Variants in RAB12 observed in about 807,000 individuals in gnomAD.
RAB12 encodes ras-related protein Rab-12.
RAB12 carries 11 observed loss-of-function variants against 28.4 expected under a neutral mutation model. The observed-to-expected ratio is 0.39, with a 90% CI of 0.24 to 0.64. The LOEUF (loss-of-function observed/expected upper bound fraction) is 0.64. RAB12 is among the 30% of genes least tolerant of loss of function. The pLI is 0.50. For missense variants in RAB12, 276 were observed against 351.1 expected, an observed-to-expected ratio of 0.79 and a Z score of 1.71; for synonymous variants, 138 against 145.3, an observed-to-expected ratio of 0.95 and a Z score of 0.36.
At chr18:8,610,757 T>G (rs1320687441) in intron 1 of RAB12, among the ~76,000 whole-genome samples, 4 of 152,170 alleles carry the variant, frequency 2.6e-5, no homozygotes, top group Non-Finnish European at 5.9e-5. Flanking sequence ...GGAAAACCCC[T>G]TAAAAGATGT....
intron 1 of RAB12, among the ~76,000 whole-genome samples, chr18:8,615,220 T>C (rs1351880935): frequency 1.3e-5 from 2 of 152,200 alleles, no homozygotes; most frequent in African/African-American, 4.8e-5. Context: ...AGAAATGCTC[T>C]CTGGGGGTCT....
chr18:8,614,440 TTTCC>T (rs1409072243), intron 1 of RAB12, among the ~76,000 whole-genome samples: 4 of 151,676 alleles, frequency 2.6e-5, no homozygotes, highest in Middle Eastern at 3.4e-3. Context: ...GGTAGTAAAG[TTTCC>T]TTCAGAATGC....
chr18:8,623,673 G>A (rs548158946), intron 1 of RAB12, among the ~76,000 whole-genome samples: 31 of 152,320 alleles, frequency 2.0e-4, no homozygotes, highest in African/African-American at 7.2e-4. Context: ...ACTTTGGAAA[G>A]CAAATCATTT....
intron 1 of RAB12, among the ~76,000 whole-genome samples, chr18:8,612,316 G>T (rs1313103057): frequency 6.6e-6 from 1 of 152,194 alleles, no homozygotes; most frequent in Non-Finnish European, 1.5e-5. Context: ...AGTTCCTTTA[G>T]AAAAATGCAA....
In RAB12 at chr18:8,612,631, A is replaced by C. The variant is rs546726442; in HGVS notation, c.514+2678A>C. ...AGAGTGGTAGTATTGTCTAATTCCT[A>C]GGCTAGGAGAGTGTTTCCATTAAGA... On this transcript the variant is annotated intron_variant, in intron 1 of 5. Transcript: ENST00000649141. Among the ~76,000 whole-genome samples, 4 of 152,324 alleles carry C rather than the reference A, an allele frequency of 2.6e-5. No homozygotes were observed. In the South Asian group the frequency reaches 8.3e-4, roughly 32 times the overall value.
intron 2 of RAB12, among the ~76,000 whole-genome samples, chr18:8,630,393 T>C (rs1377963659): frequency 6.6e-6 from 1 of 152,134 alleles, no homozygotes; most frequent in Non-Finnish European, 1.5e-5. Flanking sequence ...CTATAAGGGG[T>C]TGTGGAGACC....
chr18:8,617,682 T>A (rs1186648798), intron 1 of RAB12, among the ~76,000 whole-genome samples: 2 of 152,152 alleles, frequency 1.3e-5, no homozygotes, highest in Non-Finnish European at 2.9e-5. Flanking sequence ...CTTAAATATA[T>A]GTTCTTAGCT....
intron 2 of RAB12, 110 bp from the exon 3 acceptor site, chr18:8,633,079 C>T (rs1413806389): frequency 6.6e-6 from 9 of 1,367,248 alleles, no homozygotes; most frequent in South Asian, 2.5e-5. Context: ...GGGTTACTCT[C>T]GTTCTTTTTT....
In RAB12 at chr18:8,609,599, C is replaced by A; in HGVS notation, c.160C>A (p.Arg54=). 3.6e-6 allele frequency: 1 copy of A among 276,384 alleles called. No homozygotes were observed. Among genetic ancestry groups the A allele is most frequent in the Non-Finnish European group, 5.4e-6 (1 of 184,032 alleles). 17.1% of individuals were successfully genotyped at this position (276,384 alleles called of 1,614,324 possible). Reference sequence around the variant, plus strand: ...CCACGGGCCGCCGGGGCCGCTCCAGCGGGCGGAAGCCGAGCCCGGGGCCGA... The same window carrying A: ...CCACGGGCCGCCGGGGCCGCTCCAGAGGGCGGAAGCCGAGCCCGGGGCCGA... ...GAHGPPGPLQ[R]AEAEPGADPP... Residue 54 remains arginine (R), a synonymous_variant, in exon 1 of 6, where the codon CGG becomes AGG. Transcript: ENST00000649141.
chr18:8,630,580 G>A (rs2148710628), intron 2 of RAB12, among the ~76,000 whole-genome samples: 1 of 152,298 alleles, frequency 6.6e-6, no homozygotes, highest in Middle Eastern at 3.4e-3. Context: ...ATTTTAGAGT[G>A]CCCTGGCCGA....
chr18:8,635,303 G>A, intron 3 of RAB12: 1 of 351,232 alleles, frequency 2.8e-6, no homozygotes, highest in Non-Finnish European at 5.1e-6. Flanking sequence ...TGGGTCAACA[G>A]CCAAGAGCAT....
Position 8,638,543 on chromosome 18 carries a change from G to A in RAB12, c.*281G>A. ...ATATGAAGAATGGGAGAAATGAAAG[G>A]TATAATGTTTCTTGAAATAAATAAT... On this transcript the variant is annotated 3_prime_UTR_variant, in exon 6 of 6. Coordinates refer to ENST00000649141, the MANE Select transcript of RAB12 (RefSeq NM_001025300.3). 3.6e-6 allele frequency: 1 copy of A among 276,024 alleles called. No homozygotes were observed. The highest frequency in any genetic ancestry group is 2.2e-5 in the African/African-American group (1 of 45,214). 17.1% of individuals were successfully genotyped at this position (276,024 alleles called of 1,614,324 possible). A position where few individuals can be genotyped will look rare whatever the true frequency, so the allele number is the denominator to read the frequency against.
At chr18:8,615,170 A>T (rs1475410224) in intron 1 of RAB12, among the ~76,000 whole-genome samples, 1 of 152,146 alleles carries the variant, frequency 6.6e-6, no homozygotes, top group Non-Finnish European at 1.5e-5. Context: ...TGGCAGCAGA[A>T]TGGAGGGGTC....
At chr18:8,625,637 A>G (rs2096012252) in intron 2 of RAB12, among the ~76,000 whole-genome samples, 1 of 152,194 alleles carries the variant, frequency 6.6e-6, no homozygotes, top group Non-Finnish European at 1.5e-5. Flanking sequence ...TAACCTGTTA[A>G]CAGCCCGCAG....
At chr18:8,610,338 A>G (rs1238292076) in intron 1 of RAB12, among the ~76,000 whole-genome samples, 1 of 152,106 alleles carries the variant, frequency 6.6e-6, no homozygotes, top group African/African-American at 2.4e-5. Context: ...CGCCAAGGCC[A>G]GCGCGCGCCG....
chr18:8,615,628 G>C (rs549847613), intron 1 of RAB12, among the ~76,000 whole-genome samples: 5 of 152,170 alleles, frequency 3.3e-5, no homozygotes, highest in Non-Finnish European at 7.3e-5. Context: ...CCAACATTTA[G>C]TTCTTATACC....
chr18:8,638,683 AAAG>A lies in RAB12; in HGVS notation c.*422_*424del, dbSNP rs2096020377. 6.5e-6 allele frequency: 1 copy of A among 154,702 alleles called. No homozygotes were observed. Among genetic ancestry groups the A allele is most frequent in the Admixed American group, 6.4e-5 (1 of 15,514 alleles). The allele number at this position is 154,702 out of a possible 1,614,324, so 9.6% of individuals were successfully genotyped here. On this transcript the variant is annotated 3_prime_UTR_variant, in exon 6 of 6. Transcript: ENST00000649141. Reference sequence around the variant, plus strand: ...TGTAAAACTAAAGACTTTTTGAAAAAAAGCTATCTTAAGTGCTTTTTCTTTATT... The same window carrying A: ...TGTAAAACTAAAGACTTTTTGAAAAACTATCTTAAGTGCTTTTTCTTTATT...
At chr18:8,636,447 A>G (rs2096018991) in intron 5 of RAB12, 90 bp downstream of exon 5, 1 of 824,916 alleles carries the variant, frequency 1.2e-6, no homozygotes, top group South Asian at 1.8e-5. Context: ...TGTATTTAGA[A>G]ACCAAAATAC....
At chr18:8,619,743 G>A (rs2096008693) in intron 1 of RAB12, among the ~76,000 whole-genome samples, 1 of 152,108 alleles carries the variant, frequency 6.6e-6, no homozygotes, top group Non-Finnish European at 1.5e-5. Flanking sequence ...ATAAAATGGG[G>A]GTAATAGTTT....
Sources: gnomAD v4.1 joint callset for allele counts (sites outside exome capture counted in the v4.1 genomes callset) on GRCh38, gnomAD v4.1.1 for gene constraint, MANE v1.5 for transcripts, NCBI Gene and HGNC (gene_info 2026-07-23, HGNC 2026-07-21) for gene names.